Variants in ABLIM2 observed in about 807,000 individuals in gnomAD.
ABLIM2 encodes actin binding LIM protein family member 2.
In ABLIM2, 53 loss-of-function variants were observed where a neutral mutation model predicts 97.7. The ratio of observed to expected loss-of-function variants is 0.54; its 90% CI spans 0.44 to 0.68. ABLIM2 has a LOEUF of 0.68. ABLIM2 is among the 30% of genes least tolerant of loss of function. ABLIM2 has a pLI of 0.00. For synonymous variants in ABLIM2, 361 were observed against 345.8 expected (o/e 1.04, Z -0.49); for missense variants, 835 against 867.2 (o/e 0.96, Z 0.47).
chr4:7,978,862 A>T (rs923972476), intron 20 of ABLIM2, among the ~76,000 whole-genome samples: 5 of 152,204 alleles, frequency 3.3e-5, no homozygotes, highest in Non-Finnish European at 5.9e-5. Flanking sequence ...TTCTCTGGCC[A>T]CTGGGGGATG....
In ABLIM2 at chr4:8,069,474, G is replaced by A. The variant is rs965475690; in HGVS notation, c.675+8154C>T. On this transcript the variant is annotated intron_variant, in intron 6 of 20. Transcript: ENST00000447017. The surrounding 1 kb of genome is among the most constrained non-coding windows in gnomAD (Gnocchi z 4.2). The stretch of plus-strand genomic sequence containing the variant: ...ACGCAAGGGAGGACACGACAGGCCA[G>A]CGTGGAAGGGTAGGACCAGGGGCTC... Among the ~76,000 whole-genome samples, 1 of 152,260 alleles carries A rather than the reference G, an allele frequency of 6.6e-6. No individual in the cohort carries two copies. Among genetic ancestry groups the A allele is most frequent in the Non-Finnish European group, 1.5e-5 (1 of 68,046 alleles).
intron 1 of ABLIM2, among the ~76,000 whole-genome samples, chr4:8,152,200 T>A (rs1477510795): frequency 6.6e-6 from 1 of 151,792 alleles, no homozygotes; most frequent in Non-Finnish European, 1.5e-5. Context: ...CAGCAACCAA[T>A]CCCCCACAGC....
chr4:8,108,158 T>C (rs1838385824), intron 1 of ABLIM2, among the ~76,000 whole-genome samples: 1 of 152,334 alleles, frequency 6.6e-6, no homozygotes, highest in East Asian at 1.9e-4. Context: ...GGTAATGCAG[T>C]GGTCAACCTG....
At chr4:7,994,080 C>CTTTTTTTTTTT (rs764214617) in intron 16 of ABLIM2, 5 of 57,754 alleles carry the variant, frequency 8.7e-5, no homozygotes, top group Non-Finnish European at 1.6e-4. Context: ...GGGAAGCATT[C>CTTTTTTTTTTT]TTTTTTTTTT....
intron 1 of ABLIM2, among the ~76,000 whole-genome samples, chr4:8,139,807 T>C (rs992536134): frequency 1.3e-5 from 2 of 152,186 alleles, no homozygotes; most frequent in Non-Finnish European, 2.9e-5. Context: ...CATGTGTATA[T>C]TCATTGCAGC....
In ABLIM2 at chr4:8,131,848, AGCACAGCAGCCCGCATCCCCT is replaced by A. The variant is rs1197631562; in HGVS notation, c.11-25232_11-25212del. 7.1e-4 allele frequency among the ~76,000 whole-genome samples: 85 copies of A among 120,300 alleles called. 1 individual carries two copies. Among genetic ancestry groups the A allele is most frequent in the African/African-American group, 2.9e-3 (72 of 24,738 alleles). The allele number at this position is 120,300 out of a possible 152,430, so 78.9% of individuals were successfully genotyped here. ...CCCAGCACAGCAGCCCGCATCCCTG[AGCACAGCAGCCCGCATCCCCT>A]GCACAGCAGCCCGCATCCCCTGCAC... is the stretch of plus-strand genomic sequence containing the variant. On this transcript the variant is annotated intron_variant, in intron 1 of 20. Transcript: ENST00000447017.
rs879451192 is a variant in ABLIM2 at position 8,087,610 on chromosome 4, A to G, written c.454+559T>C. 2.0e-5 allele frequency among the ~76,000 whole-genome samples: 3 copies of G among 152,128 alleles called. No homozygotes were observed. The highest frequency in any genetic ancestry group is 2.0e-4 in the Admixed American group (3 of 15,270). On this transcript the variant is annotated intron_variant, in intron 4 of 20. Coordinates refer to ENST00000447017, the MANE Select transcript of ABLIM2 (RefSeq NM_001130083.2). The surrounding 1 kb of genome is among the most constrained non-coding windows in gnomAD (Gnocchi z 4.6). ...GGGGAGTGAATGCCAGAGGGAGAGG[A>G]CCTGAAGGAGACCTGGAAGGCTTCC...
At chr4:8,121,193 C>T (rs567475327) in intron 1 of ABLIM2, among the ~76,000 whole-genome samples, 4 of 152,288 alleles carry the variant, frequency 2.6e-5, no homozygotes, top group South Asian at 2.1e-4. Context: ...TTTTGGAGAA[C>T]GGTGATGTGA....
At chr4:8,074,496 T>C (rs1328271986) in intron 6 of ABLIM2, among the ~76,000 whole-genome samples, 1 of 152,156 alleles carries the variant, frequency 6.6e-6, no homozygotes, top group Non-Finnish European at 1.5e-5. Flanking sequence ...TTTCCACCTA[T>C]CAAATTGGCA....
At chr4:7,989,521 GA>G (rs1228581178) in intron 17 of ABLIM2, 1 of 692,082 alleles carries the variant, frequency 1.4e-6, no homozygotes, top group African/African-American at 2.0e-5. Context: ...CCTCCATAAT[GA>G]ATTAGTGTTC....
chr4:8,071,943 C>T lies in ABLIM2; in HGVS notation c.675+5685G>A, dbSNP rs1233814273. 8 of 985,442 alleles carry T rather than the reference C, an allele frequency of 8.1e-6. No homozygotes were observed. The highest frequency in any genetic ancestry group is 1.1e-4 in the East Asian group (1 of 8,780). The allele number at this position is 985,442 out of a possible 1,614,324, so 61.0% of individuals were successfully genotyped here. On this transcript the variant is annotated intron_variant, in intron 6 of 20. Coordinates refer to ENST00000447017, the MANE Select transcript of ABLIM2 (RefSeq NM_001130083.2). This position sits in a 1 kb window ranked among gnomAD's most constrained non-coding sequence, Gnocchi z 6.2. ...CCAGCGGGGCACCGGCACACTGGGC[C>T]GAGCATCAGGCAGTGCCACCGCGGC...
chr4:8,131,987 C>T (rs560820703), intron 1 of ABLIM2, among the ~76,000 whole-genome samples: 4 of 147,502 alleles, frequency 2.7e-5, no homozygotes, highest in Admixed American at 2.7e-4. Flanking sequence ...CACGGCAGCC[C>T]GCATCCCCTG....
In ABLIM2 at chr4:8,019,982, T is replaced by A. The variant is rs1328574416; in HGVS notation, c.1369+220A>T. On this transcript the variant is annotated intron_variant, in intron 13 of 20. Coordinates refer to ENST00000447017, the MANE Select transcript of ABLIM2 (RefSeq NM_001130083.2). The surrounding 1 kb of genome is among the most constrained non-coding windows in gnomAD (Gnocchi z 4.3). ...GGAGGACAGGTGTATCTCCCTGCCG[T>A]TTGTGGGAATTTGGAAGAAACTCAA... 6.6e-6 allele frequency among the ~76,000 whole-genome samples: 1 copy of A among 152,086 alleles called. No individual in the cohort carries two copies. Among genetic ancestry groups the A allele is most frequent in the African/African-American group, 2.4e-5 (1 of 41,402 alleles).
intron 1 of ABLIM2, among the ~76,000 whole-genome samples, chr4:8,119,491 A>C (rs1170970710): frequency 6.6e-6 from 1 of 151,758 alleles, no homozygotes; most frequent in East Asian, 1.9e-4. Flanking sequence ...CCACACCGGG[A>C]TAATTTTTGT....
At chr4:8,049,119 C>T (rs899761099) in intron 8 of ABLIM2, among the ~76,000 whole-genome samples, 1 of 152,194 alleles carries the variant, frequency 6.6e-6, no homozygotes. Flanking sequence ...GCATCCTGCA[C>T]ATCGGAGGCT....
chr4:8,139,628 C>G (rs1850672777), intron 1 of ABLIM2, among the ~76,000 whole-genome samples: 2 of 152,194 alleles, frequency 1.3e-5, no homozygotes, highest in African/African-American at 4.8e-5. Flanking sequence ...TGTGGAGAAA[C>G]AGGAATGCTT....
At chr4:8,038,289 T>C (rs1484526843) in intron 9 of ABLIM2, among the ~76,000 whole-genome samples, 2 of 152,198 alleles carry the variant, frequency 1.3e-5, no homozygotes, top group African/African-American at 4.8e-5. Context: ...CACATGACCC[T>C]GGCTGTCTGA....
At chr4:8,152,420 A>G (rs1231176275) in intron 1 of ABLIM2, among the ~76,000 whole-genome samples, 1 of 151,814 alleles carries the variant, frequency 6.6e-6, no homozygotes, top group African/African-American at 2.4e-5. Context: ...CGCTGCGAGG[A>G]CCCCGGGAGG....
intron 3 of ABLIM2, among the ~76,000 whole-genome samples, chr4:8,090,586 C>A (rs1577548049): frequency 6.6e-6 from 1 of 151,396 alleles, no homozygotes; most frequent in Non-Finnish European, 1.5e-5. Context: ...CTGCAAAAAG[C>A]CCCCTGTGGC....
Sources: gnomAD v4.1 joint callset for allele counts (sites outside exome capture counted in the v4.1 genomes callset) on GRCh38, gnomAD v4.1.1 for gene constraint, Gnocchi (gnomAD v3.1) non-coding constraint, MANE v1.5 for transcripts, NCBI Gene and HGNC (gene_info 2026-07-23, HGNC 2026-07-21) for gene names.